PGLYRP3: variants seen among roughly 807,000 people sequenced by gnomAD.
PGLYRP3 encodes peptidoglycan recognition protein 3.
Under a neutral mutation model 36.0 loss-of-function variants are expected in PGLYRP3, and 39 were observed. That is an observed-to-expected ratio of 1.08 (90% CI 0.84 to 1.41). The LOEUF (loss-of-function observed/expected upper bound fraction) is 1.41, where lower values mean the gene tolerates loss of function less well. Ranked by LOEUF, PGLYRP3 falls within the 40% of genes most tolerant of loss-of-function variation. PGLYRP3 has a pLI of 0.00. For synonymous variants in PGLYRP3, 204 were observed against 172.8 expected (o/e 1.18, Z -1.42); for missense variants, 407 against 427.9 (o/e 0.95, Z 0.43).
At position 153,297,925 on chromosome 1, in the gene PGLYRP3, G is replaced by A. The variant is rs535785775; in HGVS notation, c.*31C>T. 1.9e-6 allele frequency: 3 copies of A among 1,606,964 alleles called. No individual in the cohort carries two copies. The highest frequency in any genetic ancestry group is 3.3e-5 in the Admixed American group (2 of 59,782). Reference sequence around the variant, plus strand: ...GGTTGGAGAGACCCAGCAGGGGAGGGAGGGCAGTCTCAAAGGGAGTGGGGC... The same window carrying A: ...GGTTGGAGAGACCCAGCAGGGGAGGAAGGGCAGTCTCAAAGGGAGTGGGGC... On this transcript the variant is annotated 3_prime_UTR_variant, in exon 8 of 8. Coordinates refer to ENST00000683862, the MANE Select transcript of PGLYRP3 (RefSeq NM_052891.3).
At position 153,305,064 on chromosome 1, in the gene PGLYRP3, A is replaced by T. The variant is rs1203282567; in HGVS notation, c.259T>A (p.Phe87Ile). 4 of 1,607,704 alleles carry T rather than the reference A, an allele frequency of 2.5e-6. No homozygotes were observed. Among genetic ancestry groups the T allele is most frequent in the Non-Finnish European group, 3.4e-6 (4 of 1,177,380 alleles). ...TIGWCDVAYNFLVGDDGRVYE... is the reference protein window; with the variant it reads ...TIGWCDVAYNILVGDDGRVYE... ...ACCCTGCCATCATCCCCAACCAGGA[A>T]GCTGACAAGAAGGAAATAATGATTT... Residue 87 changes from phenylalanine to isoleucine, a missense_variant and splice_region_variant, in exon 4 of 8, where the codon TTC (phenylalanine) becomes ATC (isoleucine). Coordinates refer to ENST00000683862, the MANE Select transcript of PGLYRP3 (RefSeq NM_052891.3).
rs192640225 is a variant in PGLYRP3, at chr1:153,306,603, G to A, written c.257+463C>T. Among the ~76,000 whole-genome samples, 408 of 152,328 alleles carry A rather than the reference G, an allele frequency of 2.7e-3. 2 individuals are homozygous for A. Among genetic ancestry groups the A allele is most frequent in the African/African-American group, 9.2e-3 (383 of 41,582 alleles). ...AGGAGCAAGGGCTACACTGGCAGGT[G>A]CTCTCACACAGCTCTGGGTACGTGC... On this transcript the variant is annotated intron_variant, in intron 3 of 7. Coordinates refer to ENST00000683862, the MANE Select transcript of PGLYRP3 (RefSeq NM_052891.3).
Position 153,299,065 on chromosome 1 carries a change from A to T in PGLYRP3, c.847+48T>A, listed in dbSNP as rs202200302. ...CCGCCATGCTTCCCAGACATGCTGC[A>T]TGGTCCTTCAACCCCCAGCACCCCT... On this transcript the variant is annotated intron_variant, in intron 7 of 7. Coordinates refer to ENST00000683862, the MANE Select transcript of PGLYRP3 (RefSeq NM_052891.3). 4.1e-6 allele frequency: 6 copies of T among 1,472,386 alleles called. No homozygotes were observed. The African/African-American group carries it at 8.3e-5, about 20-fold the overall frequency. 91.2% of individuals were successfully genotyped at this position (1,472,386 alleles called of 1,614,324 possible).
chr1:153,310,845 G>A (rs1269403757), intron 1 of PGLYRP3, 139 bp from the exon 2 acceptor site: 2 of 593,844 alleles, frequency 3.4e-6, no homozygotes, highest in Non-Finnish European at 6.0e-6. Flanking sequence ...GCTTCTCGGG[G>A]CCCCTTAAAC....
intron 6 of PGLYRP3, 99 bp from the exon 7 acceptor site, chr1:153,299,330 C>A: frequency 1.1e-6 from 1 of 897,618 alleles, no homozygotes; most frequent in South Asian, 1.5e-5. Flanking sequence ...TTCATCCATT[C>A]ATCCAATATT....
At chr1:153,307,717 ACT>A (rs1659781298) in intron 2 of PGLYRP3, among the ~76,000 whole-genome samples, 1 of 151,624 alleles carries the variant, frequency 6.6e-6, no homozygotes, top group African/African-American at 2.4e-5. Context: ...AAGAACCATG[ACT>A]CTCTGAAGGA....
chr1:153,308,001 T>TC (rs1659794346), intron 2 of PGLYRP3, among the ~76,000 whole-genome samples: 1 of 36,192 alleles, frequency 2.8e-5, no homozygotes, highest in Non-Finnish European at 8.2e-5. Flanking sequence ...TCTCTCTCTC[T>TC]TTTTTTTTTT....
intron 6 of PGLYRP3, among the ~76,000 whole-genome samples, chr1:153,299,879 G>C (rs1288076680): frequency 6.6e-6 from 1 of 152,120 alleles, no homozygotes; most frequent in Non-Finnish European, 1.5e-5. Context: ...CTCCTACACA[G>C]CTTCTAAATT....
At position 153,302,500 on chromosome 1, in the gene PGLYRP3, T is replaced by C. The variant is rs1374587081; in HGVS notation, c.637A>G (p.Ser213Gly). 6 of 1,614,204 alleles carry C rather than the reference T, an allele frequency of 3.7e-6. No individual in the cohort carries two copies. In the East Asian group the frequency reaches 1.3e-4, roughly 36 times the overall value. Reference protein sequence around the residue: ...YVIIIHTAGTSCTVSTDCQTV... With the variant: ...YVIIIHTAGTGCTVSTDCQTV... ...TGGCAGTCTGTGGATACAGTGCAGC[T>C]TGTGCCAGCGGTGTGGATGATGATG... Residue 213 changes from serine (S) to glycine (G), a missense_variant, in exon 6 of 8, where the codon AGC becomes GGC. Ser to Gly is a moderately conservative substitution (Grantham distance 56, BLOSUM62 0). Coordinates refer to ENST00000683862, the MANE Select transcript of PGLYRP3 (RefSeq NM_052891.3).
intron 5 of PGLYRP3, among the ~76,000 whole-genome samples, chr1:153,302,918 T>G (rs1375065720): frequency 2.0e-5 from 3 of 152,234 alleles, no homozygotes; most frequent in African/African-American, 7.2e-5. Flanking sequence ...GACCATGCAT[T>G]GCAAATATAT....
chr1:153,298,165 A>AG, intron 7 of PGLYRP3, 31 bp from the exon 8 acceptor site: 3 of 1,605,152 alleles, frequency 1.9e-6, no homozygotes, highest in Non-Finnish European at 2.6e-6. Flanking sequence ...ATCAGTCATT[A>AG]GGGGCTCAAA....
chr1:153,298,974 ATTAAGAGTCCACT>A, intron 7 of PGLYRP3, 126 bp downstream of exon 7: 1 of 705,706 alleles, frequency 1.4e-6, no homozygotes, highest in Non-Finnish European at 2.5e-6. Context: ...GACATCCTGT[ATTAAGAGTCCACT>A]TTAAAGCTAA....
chr1:153,297,350 G>T lies in PGLYRP3; in HGVS notation c.*606C>A, dbSNP rs901928577. 6.6e-6 allele frequency among the ~76,000 whole-genome samples: 1 copy of T among 150,924 alleles called. No homozygotes were observed. The highest frequency in any genetic ancestry group is 2.4e-5 in the African/African-American group (1 of 40,996). ...TACCAGTCCATGTGTGAGCAGAGAG[G>T]GGGGGTGGGCACACTGACCTAGGTC... On this transcript the variant is annotated 3_prime_UTR_variant, in exon 8 of 8. Coordinates refer to ENST00000683862, the MANE Select transcript of PGLYRP3 (RefSeq NM_052891.3).
chr1:153,306,766 C>A (rs987543126), intron 3 of PGLYRP3, among the ~76,000 whole-genome samples: 1 of 152,200 alleles, frequency 6.6e-6, no homozygotes, highest in African/African-American at 2.4e-5. Flanking sequence ...GTGAAGACCT[C>A]TGTAAACTGT....
At chr1:153,312,103 CA>C (rs1659908804) in intron 1 of PGLYRP3, among the ~76,000 whole-genome samples, 1 of 152,184 alleles carries the variant, frequency 6.6e-6, no homozygotes, top group African/African-American at 2.4e-5. Context: ...TGTGCTTCCA[CA>C]ACCATGAAAC....
rs747479969 is a variant in PGLYRP3, at chr1:153,297,449, GGGGAGAGA to G, written c.*499_*506del. Among the ~76,000 whole-genome samples, 6 of 113,324 alleles carry G rather than the reference GGGGAGAGA, an allele frequency of 5.3e-5. 1 individual carries two copies. Among genetic ancestry groups the G allele is most frequent in the Admixed American group, 1.8e-4 (2 of 10,862 alleles). 74.3% of individuals were successfully genotyped at this position (113,324 alleles called of 152,430 possible). A position where few individuals can be genotyped will look rare whatever the true frequency, so the allele number is the denominator to read the frequency against. ...GCTCACCAGGCAGAGGCGGGGAGAG[GGGGAGAGA>G]GAGAGAGAGAGAGAGAGAGTGAGAA... On this transcript the variant is annotated 3_prime_UTR_variant, in exon 8 of 8. Coordinates refer to ENST00000683862, the MANE Select transcript of PGLYRP3 (RefSeq NM_052891.3).
intron 5 of PGLYRP3, 74 bp downstream of exon 5, chr1:153,303,783 G>A: frequency 3.3e-6 from 5 of 1,495,470 alleles, no homozygotes; most frequent in Non-Finnish European, 4.5e-6. Context: ...ACAGGAAAAA[G>A]CACTCCCAAA....
chr1:153,312,486 T>G (rs945576750), intron 1 of PGLYRP3, among the ~76,000 whole-genome samples, 157 bp downstream of exon 1: 1 of 152,092 alleles, frequency 6.6e-6, no homozygotes, highest in Non-Finnish European at 1.5e-5. Context: ...TGAAGAAAAT[T>G]TTCTTATTTG....
chr1:153,312,714 C>T lies in PGLYRP3; in HGVS notation c.-113G>A, dbSNP rs766958203. On this transcript the variant is annotated 5_prime_UTR_variant, in exon 1 of 8. Coordinates refer to ENST00000683862, the MANE Select transcript of PGLYRP3 (RefSeq NM_052891.3). ...GCTCGCCCCTGATTGGCCAGCAGCT[C>T]CTTCCCTTCCAGACTTGGCCTCCAG... is the stretch of plus-strand genomic sequence containing the variant. Among the ~76,000 whole-genome samples the T allele has an allele frequency of 1.3e-5, 2 of 152,152 alleles. No individual in the cohort carries two copies. Among genetic ancestry groups the T allele is most frequent in the Admixed American group, 6.5e-5 (1 of 15,276 alleles).
Sources: gnomAD v4.1 joint callset for allele counts (sites outside exome capture counted in the v4.1 genomes callset) on GRCh38, gnomAD v4.1.1 for gene constraint, MANE v1.5 for transcripts, NCBI Gene and HGNC (gene_info 2026-07-23, HGNC 2026-07-21) for gene names.